The following KIF16B variants were observed in gnomAD, a reference collection of about 807,000 sequenced individuals.
The protein encoded by KIF16B is kinesin family member 16B, also known as kinesin-like protein KIF16B.
In KIF16B, 98 loss-of-function variants were observed where a neutral mutation model predicts 156.3. The ratio of observed to expected loss-of-function variants is 0.63; its 90% CI spans 0.53 to 0.74. The LOEUF is 0.74. Among genes scored for constraint, KIF16B ranks in the 30% least tolerant of loss-of-function variants. The probability of loss-of-function intolerance (pLI) is 0.00; values close to 1 mark genes in which losing one functional copy is unlikely to be tolerated. For missense variants in KIF16B, 1,421 were observed against 1,606.5 expected (o/e 0.88, Z 1.97); for synonymous variants, 564 against 583.7 (o/e 0.97, Z 0.49).
chr20:16,504,828 C>T (rs984091996), intron 9 of KIF16B, among the ~76,000 whole-genome samples: 1 of 152,080 alleles, frequency 6.6e-6, no homozygotes, highest in African/African-American at 2.4e-5. Flanking sequence ...GTAGTTTTCC[C>T]TGCTGAAAAC....
rs528812919 is a variant in KIF16B, at chr20:16,379,161, C to G, written c.2841G>C (p.Lys947Asn). Residue 947 changes from lysine (K) to asparagine (N), a missense_variant, in exon 19 of 26, where the codon AAG (lysine) becomes AAC (asparagine). Lys to Asn is a moderately conservative substitution (Grantham distance 94). Transcript: ENST00000354981. Reference sequence around the variant, plus strand: ...GCTGTTCTTCTTTTTCTTCCATTTCCTTTTCTACTTGATAAAGAGTGTTGT... The same window carrying G: ...GCTGTTCTTCTTTTTCTTCCATTTCGTTTTCTACTTGATAAAGAGTGTTGT... ...SLDNTLYQVE[K>N]EMEEKEEQLA... 1 of 1,614,144 alleles carries G rather than the reference C, an allele frequency of 6.2e-7. No individual in the cohort carries two copies. The highest frequency in any genetic ancestry group is 1.1e-5 in the South Asian group (1 of 91,078).
chr20:16,505,858 G>A lies in KIF16B; in HGVS notation c.869-5C>T, dbSNP rs2147010924. The A allele has an allele frequency of 6.2e-7, 1 of 1,613,398 alleles. No individual in the cohort carries two copies. Among genetic ancestry groups the A allele is most frequent in the Non-Finnish European group, 8.5e-7 (1 of 1,179,784 alleles). ...CAGCATCCTGAGATAAATCAGCTAT[G>A]AAAAGGAAGAAACAAAGGGGAGAAA... On this transcript the variant is annotated splice_polypyrimidine_tract_variant and splice_region_variant and intron_variant, in intron 8 of 25. Coordinates refer to ENST00000354981, the MANE Select transcript of KIF16B (RefSeq NM_024704.5).
intron 3 of KIF16B, among the ~76,000 whole-genome samples, chr20:16,517,482 G>C (rs2069179999): frequency 6.6e-6 from 1 of 152,162 alleles, no homozygotes; most frequent in African/African-American, 2.4e-5. Flanking sequence ...AGTGTTACAA[G>C]ACCCATTGAT....
chr20:16,398,149 C>T (rs770665334), intron 17 of KIF16B, among the ~76,000 whole-genome samples: 24 of 152,172 alleles, frequency 1.6e-4, no homozygotes, highest in South Asian at 4.1e-4. Flanking sequence ...CCTGAGGATA[C>T]GACTCTATGC....
intron 1 of KIF16B, among the ~76,000 whole-genome samples, chr20:16,564,389 A>G (rs1239723330): frequency 6.6e-6 from 1 of 152,174 alleles, no homozygotes; most frequent in African/African-American, 2.4e-5. Flanking sequence ...GTGCCGCAAT[A>G]AACATACGTG....
chr20:16,452,849 A>C (rs1029417140), intron 12 of KIF16B, among the ~76,000 whole-genome samples: 6 of 152,078 alleles, frequency 3.9e-5, no homozygotes, highest in Middle Eastern at 3.4e-3. Flanking sequence ...AAAAAAAAGA[A>C]AGAAAAAAAG....
intron 12 of KIF16B, among the ~76,000 whole-genome samples, chr20:16,458,629 T>C (rs1255845443): frequency 6.6e-6 from 1 of 152,104 alleles, no homozygotes; most frequent in Non-Finnish European, 1.5e-5. Flanking sequence ...AATGCCAATT[T>C]CTAGTCAACA....
At chr20:16,475,356 A>C (rs973079672) in intron 12 of KIF16B, among the ~76,000 whole-genome samples, 1 of 152,202 alleles carries the variant, frequency 6.6e-6, no homozygotes, top group Non-Finnish European at 1.5e-5. Context: ...TAAGTCACCC[A>C]AGGTCATACA....
At chr20:16,431,297 A>T (rs764177438) in intron 12 of KIF16B, among the ~76,000 whole-genome samples, 2 of 152,130 alleles carry the variant, frequency 1.3e-5, no homozygotes, top group Non-Finnish European at 2.9e-5. Flanking sequence ...CAGGTCCTTT[A>T]AATAGCCTCC....
chr20:16,425,084 C>A (rs531088276), intron 15 of KIF16B, among the ~76,000 whole-genome samples: 13 of 152,112 alleles, frequency 8.5e-5, no homozygotes, highest in Non-Finnish European at 1.9e-4. Flanking sequence ...AGCAGTGACA[C>A]TCCAGTAGCA....
intron 1 of KIF16B, among the ~76,000 whole-genome samples, chr20:16,566,307 C>A (rs540378829): frequency 2.0e-5 from 3 of 152,160 alleles, no homozygotes; most frequent in African/African-American, 7.2e-5. Context: ...CTCAGTCTTG[C>A]GTCACGGAGT....
chr20:16,456,418 C>T (rs1421221012), intron 12 of KIF16B, among the ~76,000 whole-genome samples: 1 of 152,010 alleles, frequency 6.6e-6, no homozygotes, highest in Admixed American at 6.6e-5. Flanking sequence ...AATAGTCCTG[C>T]TGTTTTTCTT....
intron 1 of KIF16B, among the ~76,000 whole-genome samples, chr20:16,557,299 G>A (rs551399773): frequency 6.6e-6 from 1 of 152,072 alleles, no homozygotes; most frequent in South Asian, 2.1e-4. Flanking sequence ...TCCTGCCTCA[G>A]TCTCCAACTA....
intron 22 of KIF16B, chr20:16,368,233 T>C (rs2064725533): frequency 4.0e-6 from 4 of 1,005,892 alleles, no homozygotes; most frequent in East Asian, 9.9e-5. Context: ...AGCATCTTCA[T>C]ATTCAAGGCG....
chr20:16,393,015 A>G (rs1361249267), intron 17 of KIF16B, among the ~76,000 whole-genome samples: 3 of 152,272 alleles, frequency 2.0e-5, no homozygotes, highest in African/African-American at 7.2e-5. Context: ...ATATAAACAT[A>G]AAATGAAGAA....
chr20:16,484,990 C>T (rs917005413), intron 12 of KIF16B, among the ~76,000 whole-genome samples: 17 of 152,220 alleles, frequency 1.1e-4, no homozygotes, highest in African/African-American at 3.9e-4. Flanking sequence ...TTGGGTATTC[C>T]CCACTCCTAC....
chr20:16,281,962 C>G (rs1368268802), intron 25 of KIF16B, among the ~76,000 whole-genome samples: 1 of 151,974 alleles, frequency 6.6e-6, no homozygotes, highest in African/African-American at 2.4e-5. Context: ...CCAATAAGTA[C>G]TTACTGAAAG....
chr20:16,425,840 T>C lies in KIF16B; in HGVS notation c.1612+1264A>G, dbSNP rs74552194. On this transcript the variant is annotated intron_variant, in intron 15 of 25. Transcript: ENST00000354981. ...CTTCTATAAAGAATACCTGAGACTA[T>C]GTAATTTATGGAGAAAAGAGGTTTA... Among the ~76,000 whole-genome samples the C allele has an allele frequency of 6.5e-3, 992 of 152,262 alleles. 4 individuals are homozygous for C. The highest frequency in any genetic ancestry group is 9.6e-3 in the Non-Finnish European group (653 of 68,014).
chr20:16,296,783 G>C (rs1183265055), intron 25 of KIF16B, among the ~76,000 whole-genome samples: 1 of 152,200 alleles, frequency 6.6e-6, no homozygotes, highest in Admixed American at 6.5e-5. Context: ...TAGATTGGCT[G>C]GGCCATGGTG....
Sources: gnomAD v4.1 joint callset for allele counts (sites outside exome capture counted in the v4.1 genomes callset) on GRCh38, gnomAD v4.1.1 for gene constraint, MANE v1.5 for transcripts, NCBI Gene and HGNC (gene_info 2026-07-23, HGNC 2026-07-21) for gene names.